The following CEP112 variants were observed in gnomAD, a reference collection of about 807,000 sequenced individuals.
CEP112 encodes the protein centrosomal protein of 112 kDa.
A neutral mutation model predicts 153.0 loss-of-function variants in CEP112; 127 were observed. The observed-to-expected ratio is 0.83, with a 90% CI of 0.72 to 0.96. The LOEUF (loss-of-function observed/expected upper bound fraction) is 0.96, where lower values mean the gene tolerates loss of function less well. CEP112 is among the 40% of genes least tolerant of loss of function. CEP112 has a pLI of 0.00. For missense variants in CEP112, 1,089 were observed against 1,101.2 expected (o/e 0.99, Z 0.16); for synonymous variants, 358 against 374.4 (o/e 0.96, Z 0.51).
At chr17:65,817,706 C>A (rs1438713309) in intron 21 of CEP112, among the ~76,000 whole-genome samples, 1 of 151,798 alleles carries the variant, frequency 6.6e-6, no homozygotes, top group African/African-American at 2.4e-5. Flanking sequence ...CTGTCTAATT[C>A]CTTGGCCATA....
chr17:65,894,071 A>G (rs2143283878), intron 20 of CEP112, among the ~76,000 whole-genome samples: 1 of 152,266 alleles, frequency 6.6e-6, no homozygotes. Flanking sequence ...CCAAGACATT[A>G]AGGAAGAAGA....
intron 21 of CEP112, among the ~76,000 whole-genome samples, chr17:65,783,965 T>C (rs1159929448): frequency 6.6e-6 from 1 of 152,238 alleles, no homozygotes; most frequent in Admixed American, 6.5e-5. Context: ...CATTTAACTT[T>C]CCTGGGTATT....
chr17:65,962,442 G>T (rs8070315), intron 17 of CEP112, among the ~76,000 whole-genome samples: 10,029 of 152,180 alleles, frequency 0.066, 484 homozygotes, highest in African/African-American at 0.12. Flanking sequence ...ACCTTAGGCG[G>T]AAACTATATA....
chr17:65,971,161 TTACA>T (rs1568318044), intron 17 of CEP112, among the ~76,000 whole-genome samples: 2 of 148,448 alleles, frequency 1.3e-5, no homozygotes, highest in Non-Finnish European at 3.0e-5. Context: ...TACATGTACA[TTACA>T]TGTACAGCAC....
intron 18 of CEP112, among the ~76,000 whole-genome samples, chr17:65,937,852 G>T (rs1343880285): frequency 9.0e-6 from 1 of 111,252 alleles, no homozygotes; most frequent in African/African-American, 3.0e-5. Context: ...GGGCGCCTCT[G>T]CCCGGCCGCC....
At chr17:65,685,566 A>G (rs1001521633) in intron 24 of CEP112, among the ~76,000 whole-genome samples, 1 of 152,174 alleles carries the variant, frequency 6.6e-6, no homozygotes, top group Non-Finnish European at 1.5e-5. Context: ...TTTGATGAAC[A>G]GTGAAAAATA....
chr17:66,086,720 A>C (rs1021362193), intron 8 of CEP112, among the ~76,000 whole-genome samples: 9 of 152,002 alleles, frequency 5.9e-5, no homozygotes, highest in Admixed American at 5.9e-4. Flanking sequence ...TAAGGAAAAC[A>C]TATGTTTATA....
chr17:66,057,101 T>A (rs535593122), intron 11 of CEP112, among the ~76,000 whole-genome samples: 1 of 152,232 alleles, frequency 6.6e-6, no homozygotes, highest in African/African-American at 2.4e-5. Context: ...GATTTAAACA[T>A]GATTGTGAGG....
intron 18 of CEP112, among the ~76,000 whole-genome samples, chr17:65,953,269 C>G (rs1672736916): frequency 6.6e-6 from 1 of 152,038 alleles, no homozygotes; most frequent in Non-Finnish European, 1.5e-5. Context: ...TTTATGAGAA[C>G]AGAGATTTAA....
intron 19 of CEP112, among the ~76,000 whole-genome samples, chr17:65,919,008 G>A (rs982825343): frequency 7.9e-5 from 12 of 152,148 alleles, no homozygotes; most frequent in Admixed American, 1.3e-4. Flanking sequence ...CAGTTCCCTC[G>A]TTATAAAATG....
chr17:65,851,732 T>C (rs2057938286), intron 21 of CEP112, 72 bp downstream of exon 21: 2 of 1,061,814 alleles, frequency 1.9e-6, no homozygotes, highest in Non-Finnish European at 2.8e-6. Context: ...GGAGATTAAA[T>C]ATAAGGGTGG....
intron 21 of CEP112, among the ~76,000 whole-genome samples, chr17:65,848,113 T>C (rs950818076): frequency 1.3e-4 from 20 of 152,220 alleles, no homozygotes; most frequent in Admixed American, 6.5e-4. Context: ...ATTAGTCCCT[T>C]TGTGTACTTC....
In CEP112 at chr17:66,191,806, A is replaced by G. The variant is rs1432895840; in HGVS notation, c.-9+191T>C. Reference sequence around the variant, plus strand: ...CTGGATCGCGCTCTGCCTGCCGGGGACACCACAGCGGGCAGCGCCGGGACC... The same window carrying G: ...CTGGATCGCGCTCTGCCTGCCGGGGGCACCACAGCGGGCAGCGCCGGGACC... On this transcript the variant is annotated intron_variant, in intron 1 of 26. Coordinates refer to ENST00000535342, the MANE Select transcript of CEP112 (RefSeq NM_001199165.4). The surrounding 1 kb of genome is among the most constrained non-coding windows in gnomAD (Gnocchi z 4.2). 6.6e-6 allele frequency: 1 copy of G among 152,428 alleles called. No homozygotes were observed. The highest frequency in any genetic ancestry group is 1.5e-5 in the Non-Finnish European group (1 of 68,048). The allele number at this position is 152,428 out of a possible 1,614,324, so 9.4% of individuals were successfully genotyped here. A position where few individuals can be genotyped will look rare whatever the true frequency, so the allele number is the denominator to read the frequency against.
chr17:65,988,338 A>G (rs2063477665), intron 17 of CEP112, among the ~76,000 whole-genome samples: 1 of 152,246 alleles, frequency 6.6e-6, no homozygotes, highest in South Asian at 2.1e-4. Flanking sequence ...AACTGAATAA[A>G]TAACTAATCC....
At chr17:66,171,224 TA>T (rs1242970735) in intron 4 of CEP112, among the ~76,000 whole-genome samples, 1 of 152,160 alleles carries the variant, frequency 6.6e-6, no homozygotes, top group Non-Finnish European at 1.5e-5. Flanking sequence ...CAGCATCATC[TA>T]AAATGCCATT....
At chr17:65,658,864 G>A (rs973855640) in intron 24 of CEP112, among the ~76,000 whole-genome samples, 2 of 151,914 alleles carry the variant, frequency 1.3e-5, no homozygotes, top group African/African-American at 4.8e-5. Flanking sequence ...CGGGGAGCAA[G>A]CCTTTAGGTT....
chr17:65,766,583 G>C (rs183332402), intron 21 of CEP112, among the ~76,000 whole-genome samples: 9 of 152,124 alleles, frequency 5.9e-5, no homozygotes, highest in Non-Finnish European at 1.2e-4. Flanking sequence ...CAAAGACACA[G>C]AGTAGTTCAA....
intron 6 of CEP112, among the ~76,000 whole-genome samples, chr17:66,110,336 A>AG (rs984628345): frequency 6.6e-6 from 1 of 151,804 alleles, no homozygotes; most frequent in African/African-American, 2.4e-5. Context: ...AGCTCAAAAA[A>AG]GAAAAAAAAA....
intron 20 of CEP112, among the ~76,000 whole-genome samples, chr17:65,865,171 A>G (rs1472187004): frequency 3.9e-5 from 6 of 151,930 alleles, no homozygotes; most frequent in Non-Finnish European, 7.4e-5. Context: ...CCTTCCCAGT[A>G]GCTGAGATCA....
Sources: gnomAD v4.1 joint callset for allele counts (sites outside exome capture counted in the v4.1 genomes callset) on GRCh38, gnomAD v4.1.1 for gene constraint, Gnocchi (gnomAD v3.1) non-coding constraint, MANE v1.5 for transcripts, NCBI Gene and HGNC (gene_info 2026-07-23, HGNC 2026-07-21) for gene names.